The following CYP2B6 variants were observed in gnomAD, a reference collection of about 807,000 sequenced individuals.
The protein encoded by CYP2B6 is cytochrome P450 family 2 subfamily B member 6, also known as cytochrome P450 2B6.
A neutral mutation model predicts 43.4 loss-of-function variants in CYP2B6; 35 were observed. The ratio of observed to expected loss-of-function variants is 0.81; its 90% confidence interval spans 0.62 to 1.07. The LOEUF (loss-of-function observed/expected upper bound fraction) is 1.07. Among genes scored for constraint, CYP2B6 ranks in the 50% least tolerant of loss-of-function variants. The pLI is 0.00. For missense variants in CYP2B6, 624 were observed against 632.8 expected (o/e 0.99, Z 0.15); for synonymous variants, 239 against 239.2 (o/e 1.00, Z 0.01).
intron 1 of CYP2B6, among the ~76,000 whole-genome samples, chr19:41,002,197 C>T (rs752480783): frequency 2.0e-5 from 3 of 152,048 alleles, no homozygotes; most frequent in Non-Finnish European, 4.4e-5. Flanking sequence ...AATTATTTTA[C>T]ATTTTAGTGG....
intron 8 of CYP2B6, among the ~76,000 whole-genome samples, chr19:41,016,399 CAAAAAAAAAAAAAAAAAAAAAAA>C (rs869180190): frequency 2.6e-5 from 2 of 76,856 alleles, no homozygotes; most frequent in Non-Finnish European, 5.5e-5. Context: ...GACTCCATCT[CAAAAAAAAAAAAAAAAAAAAAAA>C]AAAAAAAAAA....
In CYP2B6 at chr19:41,004,159, A is replaced by G; in HGVS notation, c.330A>G (p.Gly110=). ...CCATGGTCGACCCATTCTTCCGGGG[A>G]TATGGTGAGAGCCTCAGAGGCACTG... is the stretch of plus-strand genomic sequence containing the variant. ...KIAMVDPFFR[G]YGVIFANGNR... is the part of the protein sequence containing the mutation. Residue 110 remains glycine, a synonymous_variant, in exon 2 of 9, where the codon GGA becomes GGG. Transcript: ENST00000324071. 2.2e-6 allele frequency: 2 copies of G among 897,452 alleles called. No homozygotes were observed. The highest frequency in any genetic ancestry group is 2.6e-5 in the South Asian group (2 of 78,002). 55.6% of individuals were successfully genotyped at this position (897,452 alleles called of 1,614,324 possible).
At chr19:41,003,107 G>A (rs562163590) in intron 1 of CYP2B6, among the ~76,000 whole-genome samples, 1 of 152,000 alleles carries the variant, frequency 6.6e-6, no homozygotes, top group African/African-American at 2.4e-5. Context: ...TTTTTGCTGG[G>A]CATGTACCTG....
chr19:41,005,381 G>A (rs1449569654), intron 3 of CYP2B6, among the ~76,000 whole-genome samples: 1 of 152,100 alleles, frequency 6.6e-6, no homozygotes, highest in African/African-American at 2.4e-5. Context: ...GCATGGGGAG[G>A]TAGAGACCCA....
chr19:40,996,090 GGAAC>G (rs1476474680), intron 1 of CYP2B6, among the ~76,000 whole-genome samples: 3 of 152,210 alleles, frequency 2.0e-5, no homozygotes, highest in East Asian at 1.9e-4. Flanking sequence ...CAGCTGTGCA[GGAAC>G]TCACTGGGCC....
chr19:40,997,016 A>G (rs1404204918), intron 1 of CYP2B6, among the ~76,000 whole-genome samples: 6 of 152,168 alleles, frequency 3.9e-5, no homozygotes, highest in African/African-American at 1.2e-4. Context: ...AGCCACAGGT[A>G]TAGAATTTCA....
chr19:41,011,616 T>C lies in CYP2B6; in HGVS notation c.965-682T>C, dbSNP rs554029399. Among the ~76,000 whole-genome samples, 9 of 152,370 alleles carry C rather than the reference T, an allele frequency of 5.9e-5. No homozygotes were observed. In the South Asian group the frequency reaches 1.9e-3, roughly 32 times the overall value. ...ATATACCTGAGGACCAAGAATAGTG[T>C]CTCAACTATATTATAAACACAATAA... is the stretch of plus-strand genomic sequence containing the variant. On this transcript the variant is annotated intron_variant, in intron 6 of 8. Coordinates refer to ENST00000324071, the MANE Select transcript of CYP2B6 (RefSeq NM_000767.5).
At chr19:40,992,676 C>T (rs1399951043) in intron 1 of CYP2B6, among the ~76,000 whole-genome samples, 7 of 152,116 alleles carry the variant, frequency 4.6e-5, no homozygotes, top group African/African-American at 1.2e-4. Flanking sequence ...CATGCCACCA[C>T]GCCCAGCTAA....
At chr19:41,012,870 A>C in intron 8 of CYP2B6, 55 bp downstream of exon 8, 13 of 1,593,008 alleles carry the variant, frequency 8.2e-6, no homozygotes, top group Non-Finnish European at 9.5e-6. Context: ...TACTATCCCC[A>C]ACTTGAGAAA....
At chr19:41,010,277 C>A in intron 6 of CYP2B6, 142 bp downstream of exon 6, 1 of 968,924 alleles carries the variant, frequency 1.0e-6, no homozygotes, top group South Asian at 1.5e-5. Context: ...TAGATTCCAA[C>A]CAAGCCAATT....
chr19:40,996,379 A>T (rs538388371), intron 1 of CYP2B6, among the ~76,000 whole-genome samples: 1 of 152,196 alleles, frequency 6.6e-6, no homozygotes, highest in Non-Finnish European at 1.5e-5. Flanking sequence ...AGGAATGCCC[A>T]GTAAGGAAAT....
In CYP2B6 at chr19:41,018,228, T is replaced by A. The variant is rs1969400925; in HGVS notation, c.*1401T>A. The A allele has an allele frequency of 1.3e-5, 2 of 151,232 alleles. No individual in the cohort carries two copies. Among genetic ancestry groups the A allele is most frequent in the Admixed American group, 1.3e-4 (2 of 15,196 alleles). The allele number at this position is 151,232 out of a possible 1,614,324, so 9.4% of individuals were successfully genotyped here. On this transcript the variant is annotated 3_prime_UTR_variant, in exon 9 of 9. Transcript: ENST00000324071. ...CACACACTGCTGTAGTCTTCCCCAG[T>A]CCTCATTCCCAGCTGCCTCTTCCTA...
At chr19:41,012,068 C>T (rs560285564) in intron 6 of CYP2B6, among the ~76,000 whole-genome samples, 2 of 152,252 alleles carry the variant, frequency 1.3e-5, no homozygotes, top group South Asian at 2.1e-4. Flanking sequence ...CCTGCCTCAG[C>T]CTCCTGAGTA....
chr19:41,002,772 C>G (rs1969115582), intron 1 of CYP2B6, among the ~76,000 whole-genome samples: 1 of 152,100 alleles, frequency 6.6e-6, no homozygotes, highest in South Asian at 2.1e-4. Context: ...TGGACTCAAA[C>G]TCCTGACCTC....
At chr19:41,015,921 G>A (rs1258684229) in intron 8 of CYP2B6, among the ~76,000 whole-genome samples, 2 of 151,934 alleles carry the variant, frequency 1.3e-5, no homozygotes, top group African/African-American at 4.8e-5. Context: ...TTTGAGGGAG[G>A]TGCCATTCTC....
intron 3 of CYP2B6, among the ~76,000 whole-genome samples, chr19:41,004,995 TCAAA>T (rs528497145): frequency 3.3e-5 from 5 of 152,084 alleles, no homozygotes; most frequent in African/African-American, 4.8e-5. Context: ...AGATCCTGTC[TCAAA>T]CAAACAAACA....
At chr19:41,012,199 C>T in intron 6 of CYP2B6, 99 bp from the exon 7 acceptor site, 1 of 1,179,972 alleles carries the variant, frequency 8.5e-7, no homozygotes, top group South Asian at 1.3e-5. Context: ...ATCCACCCAC[C>T]TCAACCTCCA....
intron 1 of CYP2B6, among the ~76,000 whole-genome samples, chr19:40,993,927 C>T (rs752412141): frequency 6.6e-6 from 1 of 152,070 alleles, no homozygotes; most frequent in African/African-American, 2.4e-5. Flanking sequence ...TTCCATTAAG[C>T]GTTTTTGTTG....
chr19:40,998,261 T>C (rs1969027282), intron 1 of CYP2B6, among the ~76,000 whole-genome samples: 1 of 152,172 alleles, frequency 6.6e-6, no homozygotes, highest in Non-Finnish European at 1.5e-5. Context: ...ATCATGCCTC[T>C]GTTAACAGAA....
Sources: gnomAD v4.1 joint callset for allele counts (sites outside exome capture counted in the v4.1 genomes callset) on GRCh38, gnomAD v4.1.1 for gene constraint, MANE v1.5 for transcripts, NCBI Gene and HGNC (gene_info 2026-07-23, HGNC 2026-07-21) for gene names.